MYO15A: variants seen among roughly 807,000 people sequenced by gnomAD.
The protein encoded by MYO15A is unconventional myosin-XV.
Under a neutral mutation model 394.6 loss-of-function variants are expected in MYO15A, and 308 were observed. The ratio of observed to expected loss-of-function variants is 0.78; its 90% CI spans 0.71 to 0.86. The LOEUF is 0.86. Among genes scored for constraint, MYO15A ranks in the 40% least tolerant of loss-of-function variants. MYO15A has a pLI of 0.00. For missense variants in MYO15A, 4,606 were observed against 4,799.1 expected (o/e 0.96, Z 1.19); for synonymous variants, 1,957 against 2,003.8 (o/e 0.98, Z 0.62).
intron 25 of MYO15A, among the ~76,000 whole-genome samples, chr17:18,143,357 T>C (rs914471419): frequency 2.0e-5 from 3 of 152,152 alleles, no homozygotes; most frequent in Admixed American, 2.0e-4. Context: ...CCTCTGTTTC[T>C]CTCTTGCTCT....
Position 18,150,995 on chromosome 17 carries a change from A to G in MYO15A, c.7473+82A>G. ...GAATGCTGTGCTGCTCCAGGGCACT[A>G]TTGTGCCTCTTTGAGCCCAGGAGCT... On this transcript the variant is annotated intron_variant, in intron 38 of 65. Coordinates refer to ENST00000647165, the MANE Select transcript of MYO15A (RefSeq NM_016239.4). This position sits in a 1 kb window ranked among gnomAD's most constrained non-coding sequence, Gnocchi z 4.4. 1 of 1,606,774 alleles carries G rather than the reference A, an allele frequency of 6.2e-7. No individual in the cohort carries two copies. The highest frequency in any genetic ancestry group is 8.5e-7 in the Non-Finnish European group (1 of 1,177,562).
chr17:18,115,032 A>T (rs927932463), intron 1 of MYO15A, among the ~76,000 whole-genome samples: 1 of 151,826 alleles, frequency 6.6e-6, no homozygotes, highest in South Asian at 2.1e-4. Flanking sequence ...TACTTCCTCA[A>T]TTTGCTCTGT....
At position 18,161,272 on chromosome 17, in the gene MYO15A, T is replaced by C. The variant is rs753250928; in HGVS notation, c.9387-45T>C. 4.0e-5 allele frequency: 64 copies of C among 1,607,122 alleles called. 1 individual carries two copies. The South Asian group carries it at 6.9e-4, about 17-fold the overall frequency. ...ATCCCAGGAGGCTCTTGGCACACTC[T>C]AGTGCTGTGGCCACCTCTGCTGTAG... On this transcript the variant is annotated intron_variant, in intron 56 of 65. Coordinates refer to ENST00000647165, the MANE Select transcript of MYO15A (RefSeq NM_016239.4).
Position 18,171,763 on chromosome 17 carries a change from A to G in MYO15A, c.10208A>G (p.Gln3403Arg). The G allele has an allele frequency of 6.2e-7, 1 of 1,609,682 alleles. No individual in the cohort carries two copies. The highest frequency in any genetic ancestry group is 8.5e-7 in the Non-Finnish European group (1 of 1,179,834). ...CTCAGCCCCCACCAGGCCCGTGCCC[A>G]GTTTCTGGGTAAGAGCTGCAGGGCA... is the stretch of plus-strand genomic sequence containing the variant. ...QALSPHQARAQFLGLLSALPM... is the reference protein window; with the variant it reads ...QALSPHQARARFLGLLSALPM... The change falls in exon 63 of 66, where the codon CAG (glutamine) becomes CGG (arginine). Residue 3403 changes from glutamine (Q) to arginine (R), a missense_variant. Physicochemically the swap from Gln to Arg is conservative, Grantham distance 43. Coordinates refer to ENST00000647165, the MANE Select transcript of MYO15A (RefSeq NM_016239.4).
Position 18,135,816 on chromosome 17 carries a change from A to G in MYO15A, c.4588A>G (p.Lys1530Glu). ...GGGCCTGCAGAAGGCCATCACCTTCAAAGTGACCGTGAGTCTGTGGGCATC... is the reference window on the plus strand; with the variant it reads ...GGGCCTGCAGAAGGCCATCACCTTCGAAGTGACCGTGAGTCTGTGGGCATC... ...PEGLQKAITF[K>E]VTETMREKIF... is the part of the protein sequence containing the mutation. Residue 1530 changes from lysine to glutamate, a missense_variant, in exon 13 of 66, where the codon AAA becomes GAA. By Grantham distance (56) the Lys-to-Glu change is moderately conservative (BLOSUM62 1). Around this residue, in one of 2 missense-constraint regions of MYO15A, gnomAD observed 2,776 missense variants for 3,109.3 expected, o/e 0.89. Coordinates refer to ENST00000647165, the MANE Select transcript of MYO15A (RefSeq NM_016239.4). 1 of 1,613,840 alleles carries G rather than the reference A, an allele frequency of 6.2e-7. No homozygotes were observed. The highest frequency in any genetic ancestry group is 8.5e-7 in the Non-Finnish European group (1 of 1,179,860).
chr17:18,140,737 G>A (rs770751442), intron 20 of MYO15A, 50 bp from the exon 21 acceptor site: 2 of 1,614,160 alleles, frequency 1.2e-6, no homozygotes, highest in South Asian at 1.1e-5. Context: ...CAGAGGTTGA[G>A]CGCCTTCTTT....
intron 60 of MYO15A, chr17:18,164,388 C>A (rs2046820308): frequency 5.3e-6 from 1 of 188,228 alleles, no homozygotes; most frequent in Non-Finnish European, 1.1e-5. Flanking sequence ...CTCCAGCAAC[C>A]CCCAGCCAGC....
Position 18,126,397 on chromosome 17 carries a change from A to C in MYO15A, c.3807A>C (p.Gly1269=), listed in dbSNP as rs766863440. 2 of 1,613,820 alleles carry C rather than the reference A, an allele frequency of 1.2e-6. No homozygotes were observed. The highest frequency in any genetic ancestry group is 8.5e-7 in the Non-Finnish European group (1 of 1,179,988). The part of the protein sequence containing the change: ...LVSVNPYQMF[G]IYGPEQVQQY... Reference sequence around the variant, plus strand: ...CGGTGAACCCATACCAAATGTTTGGAATCTATGGGCCGGAGCAGGTGCAGC... The same window carrying C: ...CGGTGAACCCATACCAAATGTTTGGCATCTATGGGCCGGAGCAGGTGCAGC... Residue 1269 remains glycine (G), a synonymous_variant, in exon 5 of 66, where the codon GGA becomes GGC. Transcript: ENST00000647165.
intron 15 of MYO15A, among the ~76,000 whole-genome samples, chr17:18,137,055 G>A (rs2046292627): frequency 6.6e-6 from 1 of 152,244 alleles, no homozygotes; most frequent in Non-Finnish European, 1.5e-5. Flanking sequence ...TGCAAGGGCT[G>A]GGAGGGGTGG....
chr17:18,148,605 G>A lies in MYO15A; in HGVS notation c.6764+37G>A, dbSNP rs2046522811. The A allele has an allele frequency of 3.2e-6, 5 of 1,550,352 alleles. No individual in the cohort carries two copies. The highest frequency in any genetic ancestry group is 1.2e-5 in the South Asian group (1 of 84,040). ...GGATGCCCTCCCAGCACACTCTTAT[G>A]TACCTGGAATGTTGTGGGGGGAGGT... is the stretch of plus-strand genomic sequence containing the variant. On this transcript the variant is annotated intron_variant, in intron 32 of 65. Coordinates refer to ENST00000647165, the MANE Select transcript of MYO15A (RefSeq NM_016239.4). This position sits in a 1 kb window ranked among gnomAD's most constrained non-coding sequence, Gnocchi z 4.8.
chr17:18,130,800 T>C lies in MYO15A; in HGVS notation c.4033-5T>C. Reference sequence around the variant, plus strand: ...CTTTGTCCTCCCTCCTGGACGCTCTTGAAGATAAAGGTACTCAGTGTGTGT... The same window carrying C: ...CTTTGTCCTCCCTCCTGGACGCTCTCGAAGATAAAGGTACTCAGTGTGTGT... On this transcript the variant is annotated splice_region_variant and splice_polypyrimidine_tract_variant and intron_variant, in intron 7 of 65. Coordinates refer to ENST00000647165, the MANE Select transcript of MYO15A (RefSeq NM_016239.4). The C allele has an allele frequency of 6.8e-6, 11 of 1,606,838 alleles. No homozygotes were observed. Among genetic ancestry groups the C allele is most frequent in the Non-Finnish European group, 9.3e-6 (11 of 1,177,970 alleles).
At chr17:18,124,789 C>A in intron 3 of MYO15A, 1 of 597,620 alleles carries the variant, frequency 1.7e-6, no homozygotes, top group South Asian at 2.0e-5. Flanking sequence ...TTGCACAAAT[C>A]GCTTTGTTTC....
intron 18 of MYO15A, 131 bp from the exon 19 acceptor site, chr17:18,139,403 T>TC (rs1567642206): frequency 3.6e-6 from 4 of 1,098,034 alleles, no homozygotes; most frequent in Admixed American, 4.0e-5. Flanking sequence ...AATGCTCCCC[T>TC]CCCCCAGGAG....
chr17:18,125,974 A>G (rs2046030641), intron 4 of MYO15A, among the ~76,000 whole-genome samples: 1 of 152,214 alleles, frequency 6.6e-6, no homozygotes, highest in Admixed American at 6.5e-5. Context: ...GGCTCTGGCC[A>G]CATCAGGATC....
chr17:18,135,717 G>A lies in MYO15A; in HGVS notation c.4489G>A (p.Ala1497Thr), dbSNP rs776320369. The change falls in exon 13 of 66, where the codon GCA becomes ACA. Residue 1497 changes from alanine to threonine, a missense_variant. Ala to Thr is a moderately conservative substitution (Grantham distance 58, BLOSUM62 0). Transcript: ENST00000647165. ...CTGTTGGTATTTTGCATAGACGGAT[G>A]CACAGGAGGTGGCCTCAGTGGTGAG... ...NVYFEKYETD[A>T]QEVASVVSAR... The A allele has an allele frequency of 4.3e-6, 7 of 1,614,026 alleles. 1 individual carries two copies. Among genetic ancestry groups the A allele is most frequent in the Middle Eastern group, 3.3e-4 (2 of 6,058 alleles).
chr17:18,172,104 G>C (rs949933492), intron 63 of MYO15A, 53 bp from the exon 64 acceptor site: 8 of 1,612,942 alleles, frequency 5.0e-6, no homozygotes, highest in African/African-American at 4.0e-5. Context: ...GGCCATGGCT[G>C]TTGTCAGTGA....
rs560456552 is a variant in MYO15A at position 18,148,143 on chromosome 17, G to A, written c.6624G>A (p.Pro2208=). Residue 2208 remains proline, a synonymous_variant, in exon 31 of 66, where the codon CCG becomes CCA. Coordinates refer to ENST00000647165, the MANE Select transcript of MYO15A (RefSeq NM_016239.4). This position sits in a 1 kb window ranked among gnomAD's most constrained non-coding sequence, Gnocchi z 4.8. ...QGSGAARTLP[P]TQLEWTATYE... ...CGGGGGCTGCCCGCACCTTACCCCC[G>A]ACCCAGCTCGAGTGGACAGCGACCT... 5.9e-5 allele frequency: 96 copies of A among 1,613,686 alleles called. No homozygotes were observed. The highest frequency in any genetic ancestry group is 1.1e-4 in the South Asian group (10 of 91,054).
At position 18,119,171 on chromosome 17, in the gene MYO15A, C is replaced by T. The variant is rs961450047; in HGVS notation, c.371C>T (p.Ala124Val). The change falls in exon 2 of 66, where the codon GCC becomes GTC. Residue 124 changes from alanine (A) to valine (V), a missense_variant. Ala to Val is a moderately conservative substitution (Grantham distance 64). This residue lies in a region of MYO15A where 1,830 missense variants were observed against 1,689.7 expected (regional missense o/e 1.08). Coordinates refer to ENST00000647165, the MANE Select transcript of MYO15A (RefSeq NM_016239.4). Reference sequence around the variant, plus strand: ...GGCTACGGCCGCCTGCGGCCGCGCGCCCGGTCACTCAGCAAAGCGTCCACG... The same window carrying T: ...GGCTACGGCCGCCTGCGGCCGCGCGTCCGGTCACTCAGCAAAGCGTCCACG... ...RRGYGRLRPR[A>V]RSLSKASTAI... is the part of the protein sequence containing the mutation. 2 of 1,612,336 alleles carry T rather than the reference C, an allele frequency of 1.2e-6. No homozygotes were observed. Among genetic ancestry groups the T allele is most frequent in the South Asian group, 2.2e-5 (2 of 91,076 alleles).
chr17:18,131,254 C>G lies in MYO15A; in HGVS notation c.4054C>G (p.Pro1352Ala). 2.5e-6 allele frequency: 4 copies of G among 1,614,008 alleles called. No homozygotes were observed. In the South Asian group the frequency reaches 3.3e-5, roughly 13 times the overall value. The change falls in exon 9 of 66, where the codon CCC becomes GCC. Residue 1352 changes from proline (P) to alanine (A), a missense_variant. Coordinates refer to ENST00000647165, the MANE Select transcript of MYO15A (RefSeq NM_016239.4). ...TGGAGTCCAGATCCTGGAGGCAACACCCCTCTTGGAGTCCTTCGGTAATGC... is the reference window on the plus strand; with the variant it reads ...TGGAGTCCAGATCCTGGAGGCAACAGCCCTCTTGGAGTCCTTCGGTAATGC... The part of the protein sequence containing the change: ...MQQIKILEAT[P>A]LLESFGNAKT...
Sources: allele counts gnomAD v4.1 joint callset (sites outside exome capture counted in the v4.1 genomes callset), GRCh38; gene constraint gnomAD v4.1.1; regional missense constraint gnomAD v4.1.1; non-coding constraint Gnocchi (gnomAD v3.1); transcripts MANE v1.5; gene names NCBI Gene and HGNC (gene_info 2026-07-23, HGNC 2026-07-21).